The following TMEFF2 variants were observed in gnomAD, a reference collection of about 807,000 sequenced individuals.
TMEFF2 encodes the protein tomoregulin-2.
A neutral mutation model predicts 53.8 loss-of-function variants in TMEFF2; 28 were observed. That is an observed-to-expected ratio of 0.52 (90% confidence interval 0.39 to 0.71). The LOEUF (loss-of-function observed/expected upper bound fraction) is 0.71, where lower values mean the gene tolerates loss of function less well. Among genes scored for constraint, TMEFF2 ranks in the 30% least tolerant of loss-of-function variants. The pLI is 0.00. For synonymous variants in TMEFF2, 162 were observed against 166.3 expected (o/e 0.97, Z 0.20); for missense variants, 353 against 455.2 (o/e 0.78, Z 2.04).
chr2:192,083,012 G>A (rs1379934223), intron 4 of TMEFF2, among the ~76,000 whole-genome samples: 2 of 143,894 alleles, frequency 1.4e-5, no homozygotes, highest in Non-Finnish European at 3.0e-5. Context: ...GCGTTCTTCT[G>A]TGATGTTGCT....
intron 4 of TMEFF2, chr2:192,178,686 C>T (rs1308699823): frequency 2.0e-5 from 3 of 151,230 alleles, no homozygotes; most frequent in East Asian, 1.9e-4. Context: ...TCAAGTGTTT[C>T]CTGAACTAGA....
chr2:191,985,253 A>G (rs1241988326), intron 7 of TMEFF2, among the ~76,000 whole-genome samples: 1 of 152,188 alleles, frequency 6.6e-6, no homozygotes, highest in African/African-American at 2.4e-5. Flanking sequence ...GAGAAGTTAT[A>G]TAACATTTAT....
chr2:192,094,843 G>A (rs1278992315), intron 4 of TMEFF2, among the ~76,000 whole-genome samples: 1 of 152,086 alleles, frequency 6.6e-6, no homozygotes, highest in African/African-American at 2.4e-5. Context: ...GATTTGCAAA[G>A]GGCATGATAA....
intron 7 of TMEFF2, among the ~76,000 whole-genome samples, chr2:191,988,863 A>C (rs1243468103): frequency 6.6e-6 from 1 of 152,164 alleles, no homozygotes; most frequent in Admixed American, 6.6e-5. Flanking sequence ...AACGCTATCA[A>C]ACATTGATAA....
chr2:192,021,360 G>T (rs1366019223), intron 5 of TMEFF2, among the ~76,000 whole-genome samples: 1 of 151,998 alleles, frequency 6.6e-6, no homozygotes, highest in Non-Finnish European at 1.5e-5. Context: ...AAAGGGAATA[G>T]AATAAAATTT....
rs368928481 is a variant in TMEFF2 at position 191,964,333 on chromosome 2, CTTCTTTCTTTCTTTCT to C, written c.746-7971_746-7956del. Among the ~76,000 whole-genome samples, 108 of 71,504 alleles carry C rather than the reference CTTCTTTCTTTCTTTCT, an allele frequency of 1.5e-3. 1 individual carries two copies. Among genetic ancestry groups the C allele is most frequent in the African/African-American group, 4.0e-3 (77 of 19,308 alleles). 46.9% of individuals were successfully genotyped at this position (71,504 alleles called of 152,430 possible). A position where few individuals can be genotyped will look rare whatever the true frequency, so the allele number is the denominator to read the frequency against. ...TTTCTTTCCTTCCTTCCTTTCTTTC[CTTCTTTCTTTCTTTCT>C]TTCTTTCTTTCTTTCTTTCTTTCTC... On this transcript the variant is annotated intron_variant, in intron 7 of 9. Coordinates refer to ENST00000272771, the MANE Select transcript of TMEFF2 (RefSeq NM_016192.4).
chr2:192,144,516 G>A (rs893332640), intron 4 of TMEFF2, among the ~76,000 whole-genome samples: 1 of 151,926 alleles, frequency 6.6e-6, no homozygotes, highest in Non-Finnish European at 1.5e-5. Context: ...CCCTTATCCA[G>A]CAATATTTTT....
rs563283440 is a variant in TMEFF2 at position 192,073,925 on chromosome 2, T to TA, written c.440-16151dup. Among the ~76,000 whole-genome samples, 44 of 152,074 alleles carry TA rather than the reference T, an allele frequency of 2.9e-4. 1 individual carries two copies. The South Asian group carries it at 8.3e-3, about 29-fold the overall frequency. On this transcript the variant is annotated intron_variant, in intron 4 of 9. Coordinates refer to ENST00000272771, the MANE Select transcript of TMEFF2 (RefSeq NM_016192.4). ...GCTATCTAGATAGAAACACCATACA[T>TA]AAAAATGTTCTTTATTCCAGAATAG...
intron 1 of TMEFF2, among the ~76,000 whole-genome samples, chr2:192,193,736 TGAGAGAGAGAGAGAGATAGATAGATA>T (rs1273995476): frequency 1.7e-5 from 2 of 119,320 alleles, no homozygotes; most frequent in Non-Finnish European, 3.4e-5. Flanking sequence ...GAGAAGGGAA[TGAGAGAGAGAGAGAGATAGATAGATA>T]GAGAGAGAGA....
intron 7 of TMEFF2, among the ~76,000 whole-genome samples, chr2:191,982,085 A>G (rs1481275218): frequency 2.6e-5 from 4 of 152,144 alleles, no homozygotes; most frequent in Admixed American, 2.6e-4. Context: ...CTACAGCAAC[A>G]ACAATTCTGA....
At chr2:192,055,123 T>C (rs1256939085) in intron 5 of TMEFF2, among the ~76,000 whole-genome samples, 1 of 152,192 alleles carries the variant, frequency 6.6e-6, no homozygotes, top group African/African-American at 2.4e-5. Flanking sequence ...GAAAAAATGA[T>C]GCTGAAATAC....
At chr2:192,158,898 C>A (rs1166268507) in intron 4 of TMEFF2, among the ~76,000 whole-genome samples, 2 of 152,028 alleles carry the variant, frequency 1.3e-5, no homozygotes, top group African/African-American at 4.8e-5. Flanking sequence ...TAATGTTTAA[C>A]TCATGTCCCA....
chr2:192,184,573 A>T, intron 2 of TMEFF2, 90 bp from the exon 3 acceptor site: 1 of 1,480,852 alleles, frequency 6.8e-7, no homozygotes, highest in Non-Finnish European at 9.2e-7. Flanking sequence ...TACAAAAGAA[A>T]CCACTTGTCT....
At chr2:191,980,238 C>T (rs995210404) in intron 7 of TMEFF2, among the ~76,000 whole-genome samples, 3 of 152,056 alleles carry the variant, frequency 2.0e-5, no homozygotes, top group African/African-American at 7.2e-5. Context: ...GGAAATAATA[C>T]ACTATTGGCA....
intron 3 of TMEFF2, among the ~76,000 whole-genome samples, chr2:192,181,279 G>A (rs1691177882): frequency 6.6e-6 from 1 of 151,726 alleles, no homozygotes; most frequent in Non-Finnish European, 1.5e-5. Context: ...GTTTAATTCA[G>A]TATTACTTAT....
intron 4 of TMEFF2, among the ~76,000 whole-genome samples, chr2:192,151,513 G>A (rs1690387926): frequency 6.6e-6 from 1 of 151,838 alleles, no homozygotes; most frequent in East Asian, 1.9e-4. Flanking sequence ...GAAACTCTAA[G>A]GGAAAATTGG....
rs78444363 is a variant in TMEFF2 at position 192,170,046 on chromosome 2, T to A, written c.439+9622A>T. ...GCTGTGTTTCTCTTTAATTATATTT[T>A]AAAATAACAGCTATTTTAAAGATAA... On this transcript the variant is annotated intron_variant, in intron 4 of 9. Transcript: ENST00000272771. 6.5e-4 allele frequency among the ~76,000 whole-genome samples: 99 copies of A among 152,250 alleles called. 2 individuals are homozygous for A. Among genetic ancestry groups the A allele is most frequent in the African/African-American group, 2.4e-3 (98 of 41,572 alleles).
chr2:191,999,301 A>T, intron 5 of TMEFF2, 93 bp from the exon 6 acceptor site: 1 of 1,182,840 alleles, frequency 8.5e-7, no homozygotes, highest in Non-Finnish European at 1.1e-6. Context: ...TAAGTTGACA[A>T]AATGCAAGTT....
rs548182824 is a variant in TMEFF2 at position 192,083,600 on chromosome 2, A to C, written c.440-25825T>G. On this transcript the variant is annotated intron_variant, in intron 4 of 9. Coordinates refer to ENST00000272771, the MANE Select transcript of TMEFF2 (RefSeq NM_016192.4). ...TGCATATGGAGAAAAGTTATTTCAA[A>C]GTCAAGTAGTAGAAAAAAATCCTCT... Among the ~76,000 whole-genome samples, 4 of 152,074 alleles carry C rather than the reference A, an allele frequency of 2.6e-5. No individual in the cohort carries two copies. The South Asian group carries it at 8.3e-4, about 32-fold the overall frequency.
Sources: gnomAD v4.1 joint callset for allele counts (sites outside exome capture counted in the v4.1 genomes callset) on GRCh38, gnomAD v4.1.1 for gene constraint, MANE v1.5 for transcripts, NCBI Gene and HGNC (gene_info 2026-07-23, HGNC 2026-07-21) for gene names.